Variants in ABCC5 observed in about 807,000 individuals in gnomAD.
ABCC5 encodes ATP binding cassette subfamily C member 5.
In ABCC5, 61 loss-of-function variants were observed where a neutral mutation model predicts 160.9. The observed-to-expected ratio is 0.38, with a 90% confidence interval of 0.31 to 0.47. The LOEUF (loss-of-function observed/expected upper bound fraction) is 0.47. ABCC5 is among the 20% of genes least tolerant of loss of function. The probability of loss-of-function intolerance (pLI) is 0.99; values close to 1 mark genes in which losing one functional copy is unlikely to be tolerated. For missense variants in ABCC5, 1,308 were observed against 1,813.3 expected (o/e 0.72, Z 5.06); for synonymous variants, 666 against 700.6 (o/e 0.95, Z 0.78).
chr3:183,943,014 C>A, intron 24 of ABCC5, 98 bp from the exon 25 acceptor site: 1 of 1,295,026 alleles, frequency 7.7e-7, no homozygotes, highest in Non-Finnish European at 1.1e-6. Context: ...CCATAGTAGC[C>A]ACACAGAGGT....
chr3:183,955,290 T>C (rs1322526650), intron 17 of ABCC5, among the ~76,000 whole-genome samples: 1 of 152,204 alleles, frequency 6.6e-6, no homozygotes, highest in Non-Finnish European at 1.5e-5. Flanking sequence ...ATTATTTTAA[T>C]AGAGTGAGGT....
intron 26 of ABCC5, among the ~76,000 whole-genome samples, chr3:183,936,778 G>A (rs1713771370): frequency 6.6e-6 from 1 of 152,196 alleles, no homozygotes; most frequent in South Asian, 2.1e-4. Flanking sequence ...AAAGTGTTGG[G>A]ATTACAGGCG....
intron 26 of ABCC5, 31 bp downstream of exon 26, chr3:183,937,870 G>A (rs755536627): frequency 1.5e-4 from 248 of 1,610,336 alleles, no homozygotes; most frequent in Non-Finnish European, 1.5e-4. Context: ...TCTAAGTGAC[G>A]CACGAGACAT....
At chr3:183,978,734 G>A in intron 8 of ABCC5, 83 bp from the exon 9 acceptor site, 1 of 1,497,846 alleles carries the variant, frequency 6.7e-7, no homozygotes, top group South Asian at 1.3e-5. Flanking sequence ...ACAAGACTCT[G>A]TAGGTCTCCA....
chr3:183,948,552 C>T (rs888097549), intron 22 of ABCC5, among the ~76,000 whole-genome samples: 2 of 152,088 alleles, frequency 1.3e-5, no homozygotes, highest in African/African-American at 2.4e-5. Context: ...CAATAGGCAA[C>T]ATATACACAG....
At chr3:183,995,317 T>C (rs1476223566) in intron 2 of ABCC5, among the ~76,000 whole-genome samples, 1 of 152,198 alleles carries the variant, frequency 6.6e-6, no homozygotes, top group East Asian at 1.9e-4. Flanking sequence ...ATTTTTTTCT[T>C]TTACAATTGT....
At chr3:184,012,852 C>T (rs1721873466) in intron 2 of ABCC5, among the ~76,000 whole-genome samples, 1 of 152,122 alleles carries the variant, frequency 6.6e-6, no homozygotes, top group Non-Finnish European at 1.5e-5. Context: ...ACAGAAAAGA[C>T]TCATTAGCAA....
chr3:183,977,490 A>T, intron 10 of ABCC5, 27 bp downstream of exon 10: 1 of 1,534,802 alleles, frequency 6.5e-7, no homozygotes, highest in Non-Finnish European at 9.0e-7. Context: ...GGCTCCTGAC[A>T]CGGGGGCAGG....
chr3:183,997,399 A>T (rs1316067184), intron 2 of ABCC5, among the ~76,000 whole-genome samples: 1 of 152,242 alleles, frequency 6.6e-6, no homozygotes, highest in African/African-American at 2.4e-5. Context: ...AACATTCAAT[A>T]CATGTTAGCT....
chr3:183,984,948 G>A lies in ABCC5; in HGVS notation c.592-1941C>T, dbSNP rs534880476. The A allele has an allele frequency of 1.8e-5, 27 of 1,490,836 alleles. 1 individual carries two copies. In the South Asian group the frequency reaches 3.2e-4, roughly 18 times the overall value. The allele number at this position is 1,490,836 out of a possible 1,614,324, so 92.4% of individuals were successfully genotyped here. A position where few individuals can be genotyped will look rare whatever the true frequency, so the allele number is the denominator to read the frequency against. On this transcript the variant is annotated intron_variant, in intron 5 of 29. Coordinates refer to ENST00000334444, the MANE Select transcript of ABCC5 (RefSeq NM_005688.4). ...GCTCCTTCCTTCCCATACCTTTAGA[G>A]TGCCATTTTTCAGCACTGGGTAATA...
chr3:183,924,548 A>G (rs1712336760), intron 29 of ABCC5, among the ~76,000 whole-genome samples: 1 of 152,202 alleles, frequency 6.6e-6, no homozygotes, highest in Non-Finnish European at 1.5e-5. Context: ...ACCCATTATA[A>G]ATGGCTTGCT....
intron 26 of ABCC5, among the ~76,000 whole-genome samples, chr3:183,933,076 G>A (rs1234902139): frequency 2.0e-5 from 3 of 150,196 alleles, no homozygotes; most frequent in Non-Finnish European, 2.9e-5. Flanking sequence ...GCTGAGGCAG[G>A]AGAACTGCTT....
At chr3:183,966,189 C>T (rs1717201238) in intron 12 of ABCC5, among the ~76,000 whole-genome samples, 1 of 152,222 alleles carries the variant, frequency 6.6e-6, no homozygotes, top group Non-Finnish European at 1.5e-5. Flanking sequence ...AGCAAAGTTT[C>T]ACTAACCAGC....
rs139563504 is a variant in ABCC5 at position 183,951,565 on chromosome 3, C to A, written c.2820G>T (p.Thr940=). ...CATGCAGCCGGGAGGAAGCTCGCAGCGTGCCCTGAGGAGCAGAGCACAGAG... is the reference window on the plus strand; with the variant it reads ...CATGCAGCCGGGAGGAAGCTCGCAGAGTGCCCTGAGGAGCAGAGCACAGAG... ...AIRGVVFVKG[T]LRASSRLHDE... is the part of the protein sequence containing the mutation. Residue 940 remains threonine, a synonymous_variant, in exon 20 of 30, where the codon ACG becomes ACT. Transcript: ENST00000334444. This position sits in a 1 kb window ranked among gnomAD's most constrained non-coding sequence, Gnocchi z 4.7. 9 of 1,614,024 alleles carry A rather than the reference C, an allele frequency of 5.6e-6. No individual in the cohort carries two copies. The East Asian group carries it at 8.9e-5, about 16-fold the overall frequency.
chr3:183,979,394 G>C (rs2108849072), intron 8 of ABCC5, among the ~76,000 whole-genome samples: 1 of 151,016 alleles, frequency 6.6e-6, no homozygotes, highest in South Asian at 2.1e-4. Flanking sequence ...ATTTCCCAGA[G>C]TGCCTGCTGT....
intron 27 of ABCC5, chr3:183,927,925 C>T (rs755203946): frequency 1.5e-6 from 1 of 652,630 alleles, no homozygotes; most frequent in Non-Finnish European, 1.9e-6. Flanking sequence ...TGAATTAGGG[C>T]AGGGGATCCT....
chr3:184,001,980 G>A (rs1339616806), intron 2 of ABCC5, among the ~76,000 whole-genome samples: 1 of 152,082 alleles, frequency 6.6e-6, no homozygotes, highest in Non-Finnish European at 1.5e-5. Flanking sequence ...TATCAAACGA[G>A]GAAGTATGAC....
rs1313989089 is a variant in ABCC5 at position 183,984,568 on chromosome 3, C to A, written c.592-1561G>T. 8.3e-6 allele frequency: 11 copies of A among 1,324,370 alleles called. No individual in the cohort carries two copies. In the Admixed American group the frequency reaches 1.6e-4, roughly 19 times the overall value. 82.0% of individuals were successfully genotyped at this position (1,324,370 alleles called of 1,614,324 possible). On this transcript the variant is annotated intron_variant, in intron 5 of 29. Transcript: ENST00000334444. ...AGATGTCCACTAGGTCCTAGGAGAT[C>A]CCCACCAATCAGATTTTTGCCAAGT...
At chr3:184,005,955 T>C (rs530998233) in intron 2 of ABCC5, among the ~76,000 whole-genome samples, 5 of 151,752 alleles carry the variant, frequency 3.3e-5, no homozygotes, top group African/African-American at 1.2e-4. Context: ...TTCTTCCCCT[T>C]TGACAGAAAG....
Sources: gnomAD v4.1 joint callset for allele counts (sites outside exome capture counted in the v4.1 genomes callset) on GRCh38, gnomAD v4.1.1 for gene constraint, Gnocchi (gnomAD v3.1) non-coding constraint, MANE v1.5 for transcripts, NCBI Gene and HGNC (gene_info 2026-07-23, HGNC 2026-07-21) for gene names.